ABCC2: variants seen among roughly 807,000 people sequenced by gnomAD.
ABCC2 encodes ATP-binding cassette sub-family C member 2.
Under a neutral mutation model 173.4 loss-of-function variants are expected in ABCC2, and 157 were observed. The observed-to-expected ratio is 0.91, with a 90% CI of 0.80 to 1.03. ABCC2 has a LOEUF of 1.03. Among genes scored for constraint, ABCC2 ranks in the 50% least tolerant of loss-of-function variants. The pLI is 0.00. For synonymous variants in ABCC2, 657 were observed against 693.5 expected (o/e 0.95, Z 0.83); for missense variants, 1,822 against 1,852.3 (o/e 0.98, Z 0.30).
intron 25 of ABCC2, 75 bp downstream of exon 25, chr10:99,836,365 C>T: frequency 6.9e-7 from 1 of 1,456,406 alleles, no homozygotes; most frequent in South Asian, 1.1e-5. Context: ...GGTGGGAGGG[C>T]AGGCATGGCT....
chr10:99,796,992 T>A lies in ABCC2; in HGVS notation c.633-105T>A, dbSNP rs2037925765. The A allele has an allele frequency of 2.1e-5, 20 of 973,122 alleles. 1 individual carries two copies. In the South Asian group the frequency reaches 2.7e-4, roughly 13 times the overall value. The allele number at this position is 973,122 out of a possible 1,614,324, so 60.3% of individuals were successfully genotyped here. ...CAGGAGATGGGGATAGTCCCATTCT[T>A]CTGTCCCTCTATCCCAGAACCTGGA... is the stretch of plus-strand genomic sequence containing the variant. On this transcript the variant is annotated intron_variant, in intron 6 of 31. Transcript: ENST00000647814.
chr10:99,810,398 C>T (rs1185721039), intron 14 of ABCC2, among the ~76,000 whole-genome samples, 180 bp downstream of exon 14: 1 of 152,186 alleles, frequency 6.6e-6, no homozygotes, highest in Non-Finnish European at 1.5e-5. Context: ...GAGCAGATTG[C>T]TCAACTAGAT....
chr10:99,847,568 A>G (rs1472798026), intron 30 of ABCC2, among the ~76,000 whole-genome samples: 1 of 150,652 alleles, frequency 6.6e-6, no homozygotes, highest in Non-Finnish European at 1.5e-5. Context: ...GCACCACTGC[A>G]CTCCAGCCTG....
rs1234633508 is a variant in ABCC2 at position 99,852,080 on chromosome 10, C to T, written c.*449C>T. On this transcript the variant is annotated 3_prime_UTR_variant, in exon 32 of 32. Coordinates refer to ENST00000647814, the MANE Select transcript of ABCC2 (RefSeq NM_000392.5). ...TGCAAATAGGTGCATTATTTTTTTT[C>T]ACTGCTCTGTAGTCTGGCATTGTAT... 1 of 172,192 alleles carries T rather than the reference C, an allele frequency of 5.8e-6. No homozygotes were observed. The highest frequency in any genetic ancestry group is 1.2e-5 in the Non-Finnish European group (1 of 80,056). 10.7% of individuals were successfully genotyped at this position (172,192 alleles called of 1,614,324 possible). A position where few individuals can be genotyped will look rare whatever the true frequency, so the allele number is the denominator to read the frequency against.
chr10:99,804,179 G>C lies in ABCC2; in HGVS notation c.1370G>C (p.Arg457Thr), dbSNP rs750565571. ...QIVLSIFFLWRELGPSVLAGV... is the reference protein window; with the variant it reads ...QIVLSIFFLWTELGPSVLAGV... ...GTCTTATCTATCTTCTTCCTATGGA[G>C]AGAGTTGGGACCCTCAGTCTTAGCA... The change falls in exon 10 of 32, where the codon AGA becomes ACA. Residue 457 changes from arginine (R) to threonine (T), a missense_variant. By Grantham distance (71) the Arg-to-Thr change is moderately conservative (BLOSUM62 -1). Coordinates refer to ENST00000647814, the MANE Select transcript of ABCC2 (RefSeq NM_000392.5). 2 of 1,614,040 alleles carry C rather than the reference G, an allele frequency of 1.2e-6. No homozygotes were observed. The highest frequency in any genetic ancestry group is 1.7e-6 in the Non-Finnish European group (2 of 1,180,034).
intron 16 of ABCC2, among the ~76,000 whole-genome samples, chr10:99,814,199 A>G (rs866144798): frequency 8.2e-5 from 5 of 61,238 alleles, no homozygotes; most frequent in East Asian, 6.1e-4. Flanking sequence ...ACACATGTGT[A>G]TATATACACA....
intron 30 of ABCC2, among the ~76,000 whole-genome samples, chr10:99,849,199 C>T (rs1159963945): frequency 1.3e-5 from 2 of 152,190 alleles, no homozygotes; most frequent in African/African-American, 2.4e-5. Flanking sequence ...CATTGCACTC[C>T]AGCCTGGGAG....
In ABCC2 at chr10:99,834,455, AC is replaced by A. The variant is rs775771081; in HGVS notation, c.3337del (p.Val1114SerfsTer2). On this transcript the variant is annotated frameshift_variant, in exon 24 of 32. Transcript: ENST00000647814. LOFTEE classifies it high-confidence loss of function. ...TACATGCTTCCTGGGGATAATCAGC[AC>A]CCTTGTCATGATCTGCATGGCCACT... ...WITCFLGIIS[T>X]LVMICMATPV... The A allele has an allele frequency of 1.2e-5, 20 of 1,614,062 alleles. No homozygotes were observed. The South Asian group carries it at 2.1e-4, about 17-fold the overall frequency.
chr10:99,805,334 T>G (rs2038081514), intron 10 of ABCC2, 48 bp from the exon 11 acceptor site: 1 of 1,558,898 alleles, frequency 6.4e-7, no homozygotes, highest in Non-Finnish European at 8.8e-7. Context: ...ACCTGAGCCC[T>G]CTCTCATGGA....
intron 4 of ABCC2, 93 bp downstream of exon 4, chr10:99,793,778 T>C: frequency 6.3e-7 from 1 of 1,588,900 alleles, no homozygotes; most frequent in Non-Finnish European, 8.6e-7. Context: ...CAGGATCGAA[T>C]TGTATTAGAG....
chr10:99,844,575 G>A, intron 28 of ABCC2, 110 bp downstream of exon 28: 1 of 1,434,896 alleles, frequency 7.0e-7, no homozygotes, highest in Non-Finnish European at 9.7e-7. Flanking sequence ...TGGAGGGAAA[G>A]GGTCAGGGCA....
At chr10:99,832,772 A>T (rs1379949005) in intron 23 of ABCC2, among the ~76,000 whole-genome samples, 3 of 152,226 alleles carry the variant, frequency 2.0e-5, no homozygotes, top group African/African-American at 7.2e-5. Flanking sequence ...TATTGTTTCC[A>T]TCTACCACAG....
chr10:99,842,157 A>T, intron 26 of ABCC2, 64 bp downstream of exon 26: 1 of 1,606,984 alleles, frequency 6.2e-7, no homozygotes, highest in South Asian at 1.1e-5. Flanking sequence ...AGCCTGATGT[A>T]TACTGTGGAG....
chr10:99,819,360 G>A, intron 19 of ABCC2, 91 bp downstream of exon 19: 1 of 1,284,924 alleles, frequency 7.8e-7, no homozygotes, highest in Non-Finnish European at 1.1e-6. Flanking sequence ...AGTATCCAGT[G>A]AACTAGATTT....
At position 99,810,176 on chromosome 10, in the gene ABCC2, G is replaced by A. The variant is rs772687313; in HGVS notation, c.1858G>A (p.Asp620Asn). The A allele has an allele frequency of 1.2e-6, 2 of 1,613,660 alleles. No homozygotes were observed. Among genetic ancestry groups the A allele is most frequent in the African/African-American group, 2.7e-5 (2 of 75,018 alleles). Residue 620 changes from aspartate (D) to asparagine (N), a missense_variant, in exon 14 of 32, where the codon GAT (aspartate) becomes AAT (asparagine). Physicochemically the swap from Asp to Asn is conservative, Grantham distance 23. Coordinates refer to ENST00000647814, the MANE Select transcript of ABCC2 (RefSeq NM_000392.5). ...TERLEKYLGG[D>N]DLDTSAIRHD... is the part of the protein sequence containing the mutation. The stretch of plus-strand genomic sequence containing the variant: ...GCGGCTAGAGAAGTACTTGGGAGGG[G>A]ATGACTTGGACACATCTGCCATTCG...
In ABCC2 at chr10:99,847,091, T is replaced by C. The variant is rs1290776704; in HGVS notation, c.4277T>C (p.Leu1426Ser). The change falls in exon 30 of 32, where the codon TTA (leucine) becomes TCA (serine). Residue 1426 changes from leucine to serine, a missense_variant. Leu to Ser is a moderately radical substitution (Grantham distance 145, BLOSUM62 -2). Coordinates refer to ENST00000647814, the MANE Select transcript of ABCC2 (RefSeq NM_000392.5). ...TTTGTGGCCAGCCTGCAACTTGGGT[T>C]ATCCCACGAAGTGACAGAGGCTGGT... ...KSFVASLQLG[L>S]SHEVTEAGGN... 1 of 1,614,054 alleles carries C rather than the reference T, an allele frequency of 6.2e-7. No homozygotes were observed. Among genetic ancestry groups the C allele is most frequent in the Non-Finnish European group, 8.5e-7 (1 of 1,180,040 alleles).
intron 6 of ABCC2, among the ~76,000 whole-genome samples, chr10:99,795,290 A>T (rs2037879931): frequency 1.3e-5 from 2 of 152,252 alleles, no homozygotes; most frequent in Admixed American, 6.5e-5. Flanking sequence ...CAAATGTGTG[A>T]TTTAGTAATA....
rs1280081794 is a variant in ABCC2, at chr10:99,834,260, T to A, written c.3259-120T>A. On this transcript the variant is annotated intron_variant, in intron 23 of 31. Transcript: ENST00000647814. ...ATTGCAAATGAACACAATGAAATGA[T>A]TACATGAAGGAGTACTGGGAACACA... 9.0e-6 allele frequency: 9 copies of A among 999,924 alleles called. No individual in the cohort carries two copies. The East Asian group carries it at 2.1e-4, about 23-fold the overall frequency. The allele number at this position is 999,924 out of a possible 1,614,324, so 61.9% of individuals were successfully genotyped here. A position where few individuals can be genotyped will look rare whatever the true frequency, so the allele number is the denominator to read the frequency against.
At chr10:99,814,254 TATACACAC>T (rs1398556487) in intron 16 of ABCC2, among the ~76,000 whole-genome samples, 969 of 65,308 alleles carry the variant, frequency 0.015, 153 homozygotes, top group African/African-American at 0.05. Context: ...CACACGTATG[TATACACAC>T]GTATGTATAC....
Sources: gnomAD v4.1 joint callset for allele counts (sites outside exome capture counted in the v4.1 genomes callset) on GRCh38, gnomAD v4.1.1 for gene constraint, MANE v1.5 for transcripts, NCBI Gene and HGNC (gene_info 2026-07-23, HGNC 2026-07-21) for gene names.